ZNF430: variants seen among roughly 807,000 people sequenced by gnomAD.
The protein encoded by ZNF430 is zinc finger protein 430.
In ZNF430, 35 loss-of-function variants were observed where a neutral mutation model predicts 56.7. That is an observed-to-expected ratio of 0.62 (90% CI 0.47 to 0.82). The LOEUF (loss-of-function observed/expected upper bound fraction) is 0.82, where lower values mean the gene tolerates loss of function less well. ZNF430 is among the 40% of genes least tolerant of loss of function. ZNF430 has a pLI of 0.00. For missense variants in ZNF430, 574 were observed against 661.0 expected, an observed-to-expected ratio of 0.87 and a Z score of 1.44; for synonymous variants, 212 against 224.3, an observed-to-expected ratio of 0.94 and a Z score of 0.49.
At chr19:21,033,651 A>G in intron 3 of ZNF430, 69 bp downstream of exon 3, 1 of 1,479,934 alleles carries the variant, frequency 6.8e-7, no homozygotes, top group Non-Finnish European at 9.0e-7. Flanking sequence ...TTTGAGAATA[A>G]TTTTTGGTAA....
At chr19:21,039,277 T>C (rs1172019284) in intron 4 of ZNF430, among the ~76,000 whole-genome samples, 1 of 151,700 alleles carries the variant, frequency 6.6e-6, no homozygotes, top group Admixed American at 6.6e-5. Context: ...TTTTTATTTT[T>C]AGAGACAGGG....
chr19:21,054,609 T>G (rs1051891137), intron 4 of ZNF430, among the ~76,000 whole-genome samples: 1 of 151,776 alleles, frequency 6.6e-6, no homozygotes. Context: ...ATATATGTGT[T>G]TGTTATAAAT....
chr19:21,032,788 GA>G (rs1404052580), intron 2 of ZNF430, among the ~76,000 whole-genome samples: 2 of 151,958 alleles, frequency 1.3e-5, no homozygotes, highest in Admixed American at 1.3e-4. Flanking sequence ...ATCTTCTGAA[GA>G]AAAAAAGTCT....
intron 1 of ZNF430, among the ~76,000 whole-genome samples, chr19:21,021,557 G>A (rs2144743945): frequency 6.6e-6 from 1 of 152,224 alleles, no homozygotes; most frequent in South Asian, 2.1e-4. Flanking sequence ...ATCAAAGAGT[G>A]ATTAAAAAAC....
At chr19:21,046,938 G>C (rs1968194384) in intron 4 of ZNF430, among the ~76,000 whole-genome samples, 1 of 152,098 alleles carries the variant, frequency 6.6e-6, no homozygotes, top group Non-Finnish European at 1.5e-5. Context: ...TTTCTAACTT[G>C]GTTCCATTCT....
In ZNF430 at chr19:21,056,784, A is replaced by G. The variant is rs1350686848; in HGVS notation, c.476A>G (p.Lys159Arg). Reference protein sequence around the residue: ...CKSVDECNLHKECYDELNQCL... With the variant: ...CKSVDECNLHRECYDELNQCL... ...AGTGTGGATGAGTGTAATCTGCACA[A>G]AGAATGTTATGATGAACTAAACCAG... is the stretch of plus-strand genomic sequence containing the variant. The change falls in exon 5 of 5, where the codon AAA becomes AGA. Residue 159 changes from lysine (K) to arginine (R), a missense_variant. Lys to Arg is a conservative substitution (Grantham distance 26). Transcript: ENST00000261560. 1 of 1,613,902 alleles carries G rather than the reference A, an allele frequency of 6.2e-7. No individual in the cohort carries two copies. The highest frequency in any genetic ancestry group is 8.5e-7 in the Non-Finnish European group (1 of 1,179,970).
chr19:21,040,611 T>C (rs1333746295), intron 4 of ZNF430, among the ~76,000 whole-genome samples: 1 of 152,196 alleles, frequency 6.6e-6, no homozygotes, highest in Admixed American at 6.6e-5. Flanking sequence ...CAAATAAACC[T>C]TTTTACTTTA....
At chr19:21,033,661 AT>A in intron 3 of ZNF430, 79 bp downstream of exon 3, 11 of 1,460,984 alleles carry the variant, frequency 7.5e-6, no homozygotes, top group Non-Finnish European at 1.0e-5. Flanking sequence ...ATTTTTGGTA[AT>A]TTATGCTTTG....
Position 21,057,253 on chromosome 19 carries a change from A to G in ZNF430, c.945A>G (p.Lys315=). The G allele has an allele frequency of 6.2e-7, 1 of 1,613,386 alleles. No individual in the cohort carries two copies. The highest frequency in any genetic ancestry group is 8.5e-7 in the Non-Finnish European group (1 of 1,179,880). ...ATAAAAGAATTCATACTGGAGAGAA[A>G]CCCTACAGATGTGAAGAATGTGGCA... ...TTHKRIHTGE[K]PYRCEECGRA... Residue 315 remains lysine (K), a synonymous_variant, in exon 5 of 5, where the codon AAA becomes AAG. Coordinates refer to ENST00000261560, the MANE Select transcript of ZNF430 (RefSeq NM_025189.4).
At chr19:21,037,149 C>G (rs1968015890) in intron 4 of ZNF430, among the ~76,000 whole-genome samples, 1 of 148,720 alleles carries the variant, frequency 6.7e-6, no homozygotes, top group Non-Finnish European at 1.5e-5. Flanking sequence ...ACGGAGTCTC[C>G]TGTCACCCAG....
intron 2 of ZNF430, among the ~76,000 whole-genome samples, chr19:21,029,925 A>C (rs1967870308): frequency 6.6e-6 from 1 of 151,534 alleles, no homozygotes; most frequent in Non-Finnish European, 1.5e-5. Flanking sequence ...AGATTGTGCC[A>C]CTGCACTCCA....
At position 21,022,758 on chromosome 19, in the gene ZNF430, A is replaced by G. The variant is rs757285996; in HGVS notation, c.4-31A>G. On this transcript the variant is annotated intron_variant, in intron 1 of 4. Transcript: ENST00000261560. ...TTATGTCAGTTAGAGTGTCTAGTGGATATCAGCTTCTGGGTTATTTTCTCC... is the reference window on the plus strand; with the variant it reads ...TTATGTCAGTTAGAGTGTCTAGTGGGTATCAGCTTCTGGGTTATTTTCTCC... The G allele has an allele frequency of 1.7e-5, 24 of 1,409,822 alleles. No homozygotes were observed. The East Asian group carries it at 5.2e-4, about 31-fold the overall frequency. The allele number at this position is 1,409,822 out of a possible 1,614,324, so 87.3% of individuals were successfully genotyped here.
intron 4 of ZNF430, chr19:21,035,905 G>T (rs1432294898): frequency 2.6e-5 from 4 of 152,292 alleles, no homozygotes; most frequent in Non-Finnish European, 4.4e-5. Flanking sequence ...CATATATAAT[G>T]GTCCTTATAT....
intron 4 of ZNF430, among the ~76,000 whole-genome samples, chr19:21,047,281 C>T (rs1968199296): frequency 6.6e-6 from 1 of 152,164 alleles, no homozygotes; most frequent in Non-Finnish European, 1.5e-5. Flanking sequence ...TTAGAACATA[C>T]TCCATTAGCT....
Position 21,057,536 on chromosome 19 carries a change from T to G in ZNF430, c.1228T>G (p.Phe410Val). 1 of 1,613,380 alleles carries G rather than the reference T, an allele frequency of 6.2e-7. No homozygotes were observed. Among genetic ancestry groups the G allele is most frequent in the Non-Finnish European group, 8.5e-7 (1 of 1,179,948 alleles). Residue 410 changes from phenylalanine (F) to valine (V), a missense_variant, in exon 5 of 5, where the codon TTT becomes GTT. By Grantham distance (50) the Phe-to-Val change is conservative. Coordinates refer to ENST00000261560, the MANE Select transcript of ZNF430 (RefSeq NM_025189.4). ...FYKCEECGKG[F>V]NWSSTLTKHK... ...CAAATGTGAAGAATGTGGCAAAGGC[T>G]TTAATTGGTCCTCGACCCTTACTAA...
chr19:21,030,182 A>G (rs1206887646), intron 2 of ZNF430, among the ~76,000 whole-genome samples: 1 of 152,240 alleles, frequency 6.6e-6, no homozygotes, highest in African/African-American at 2.4e-5. Flanking sequence ...TCCACAAGCC[A>G]CAAACAAGTA....
chr19:21,028,811 A>G (rs370800160), intron 2 of ZNF430, among the ~76,000 whole-genome samples: 24 of 152,068 alleles, frequency 1.6e-4, no homozygotes, highest in South Asian at 4.1e-4. Context: ...TCAGCCTCCC[A>G]AATAGCTGGG....
At chr19:21,042,180 T>C (rs1968113867) in intron 4 of ZNF430, among the ~76,000 whole-genome samples, 1 of 152,240 alleles carries the variant, frequency 6.6e-6, no homozygotes, top group African/African-American at 2.4e-5. Context: ...ATAGTGTATA[T>C]GTACCACATT....
chr19:21,022,226 G>A (rs1457115090), intron 1 of ZNF430, among the ~76,000 whole-genome samples: 1 of 152,016 alleles, frequency 6.6e-6, no homozygotes, highest in Admixed American at 6.6e-5. Flanking sequence ...CACTCCACGG[G>A]GAACTGATTT....
Sources: gnomAD v4.1 joint callset for allele counts (sites outside exome capture counted in the v4.1 genomes callset) on GRCh38, gnomAD v4.1.1 for gene constraint, MANE v1.5 for transcripts, NCBI Gene and HGNC (gene_info 2026-07-23, HGNC 2026-07-21) for gene names.